Variants in UTRN observed in about 807,000 individuals in gnomAD.
UTRN encodes utrophin.
Under a neutral mutation model 463.9 loss-of-function variants are expected in UTRN, and 283 were observed. The observed-to-expected ratio is 0.61, with a 90% CI of 0.55 to 0.67. UTRN has a LOEUF of 0.67. Ranked by LOEUF, UTRN falls within the 30% of genes least tolerant of loss-of-function variation. The pLI, the probability that UTRN is intolerant of heterozygous loss-of-function variation, is 0.00. For synonymous variants in UTRN, 1,442 were observed against 1,431.5 expected (o/e 1.01, Z -0.17); for missense variants, 3,922 against 4,084.3 (o/e 0.96, Z 1.08).
At chr6:144,512,032 A>G (rs776070032) in intron 35 of UTRN, among the ~76,000 whole-genome samples, 10 of 152,120 alleles carry the variant, frequency 6.6e-5, no homozygotes, top group African/African-American at 2.4e-4. Context: ...AGTGAAGAGC[A>G]TGGGCTTTGC....
intron 9 of UTRN, among the ~76,000 whole-genome samples, chr6:144,433,507 G>GAT (rs1786150141): frequency 6.6e-6 from 1 of 151,898 alleles, no homozygotes; most frequent in African/African-American, 2.4e-5. Context: ...CTTCCCAGAC[G>GAT]GGGTGGCTGC....
chr6:144,620,696 C>G (rs1431121063), intron 51 of UTRN, among the ~76,000 whole-genome samples: 2 of 151,998 alleles, frequency 1.3e-5, no homozygotes, highest in African/African-American at 4.8e-5. Context: ...GGGGATTTAC[C>G]TGTTATAGAC....
chr6:144,828,678 C>A, intron 68 of UTRN, 112 bp from the exon 69 acceptor site: 1 of 1,058,688 alleles, frequency 9.4e-7, no homozygotes. Flanking sequence ...AGATTTGGAT[C>A]TTTCTATGTT....
In UTRN at chr6:144,577,088, G is replaced by T; in HGVS notation, c.7290-11G>T. The T allele has an allele frequency of 6.2e-7, 1 of 1,611,758 alleles. No homozygotes were observed. The highest frequency in any genetic ancestry group is 8.5e-7 in the Non-Finnish European group (1 of 1,178,372). On this transcript the variant is annotated splice_polypyrimidine_tract_variant and intron_variant, in intron 50 of 74. Coordinates refer to ENST00000367545, the MANE Select transcript of UTRN (RefSeq NM_007124.3). The stretch of plus-strand genomic sequence containing the variant: ...AGTAATGGAGCCGTGCTGTCATATT[G>T]TTACTTTCAGTATTGCTGACAGACA...
At chr6:144,382,929 T>C (rs1781061267) in intron 2 of UTRN, among the ~76,000 whole-genome samples, 1 of 152,126 alleles carries the variant, frequency 6.6e-6, no homozygotes, top group African/African-American at 2.4e-5. Context: ...GTCAGGCTTA[T>C]TTTATCTTAT....
intron 51 of UTRN, among the ~76,000 whole-genome samples, chr6:144,646,149 A>G (rs955840338): frequency 3.3e-5 from 5 of 152,186 alleles, no homozygotes; most frequent in Non-Finnish European, 5.9e-5. Context: ...CCTCTACAAG[A>G]TTAAGAAAAT....
At chr6:144,704,954 C>T (rs1784944440) in intron 53 of UTRN, among the ~76,000 whole-genome samples, 1 of 152,100 alleles carries the variant, frequency 6.6e-6, no homozygotes, top group African/African-American at 2.4e-5. Flanking sequence ...CAGTGAGACT[C>T]CATCTCAAAA....
At chr6:144,826,933 C>G (rs1314852963) in intron 66 of UTRN, among the ~76,000 whole-genome samples, 2 of 152,076 alleles carry the variant, frequency 1.3e-5, no homozygotes, top group African/African-American at 4.8e-5. Context: ...TGTAGTGTTT[C>G]ATTTTTAACT....
intron 23 of UTRN, among the ~76,000 whole-genome samples, chr6:144,468,029 T>A (rs929193028): frequency 1.3e-5 from 2 of 152,110 alleles, no homozygotes; most frequent in African/African-American, 4.8e-5. Flanking sequence ...CACACTATTT[T>A]TTTTTTTTTC....
chr6:144,836,564 T>A lies in UTRN; in HGVS notation c.10065+23T>A, dbSNP rs372108439. On this transcript the variant is annotated intron_variant, in intron 71 of 74. Transcript: ENST00000367545. ...CAGGTAGGGTGTGTAGAATTCAGCGTCACACCTCCCCAGGCCATCTGTCCA... is the reference window on the plus strand; with the variant it reads ...CAGGTAGGGTGTGTAGAATTCAGCGACACACCTCCCCAGGCCATCTGTCCA... The A allele has an allele frequency of 2.7e-5, 44 of 1,611,054 alleles. No homozygotes were observed. In the African/African-American group the frequency reaches 5.5e-4, roughly 20 times the overall value.
intron 23 of UTRN, among the ~76,000 whole-genome samples, chr6:144,471,094 GA>G (rs1335081833): frequency 1.9e-4 from 24 of 124,310 alleles, no homozygotes; most frequent in Non-Finnish European, 3.2e-4. Context: ...GGGAGGGGGA[GA>G]GGGAGAGGGA....
rs763898630 is a variant in UTRN at position 144,774,278 on chromosome 6, T to A, written c.8558-12T>A. On this transcript the variant is annotated splice_polypyrimidine_tract_variant and intron_variant, in intron 59 of 74. Coordinates refer to ENST00000367545, the MANE Select transcript of UTRN (RefSeq NM_007124.3). ...TAAGCCTATCTTCAAATTGTTTCTT[T>A]TTCTATTTCAGCTGACCTGAATAAT... 6.3e-6 allele frequency: 10 copies of A among 1,593,864 alleles called. No individual in the cohort carries two copies. The South Asian group carries it at 8.2e-5, about 13-fold the overall frequency.
At chr6:144,375,517 C>T (rs1780373163) in intron 2 of UTRN, among the ~76,000 whole-genome samples, 1 of 152,140 alleles carries the variant, frequency 6.6e-6, no homozygotes, top group Non-Finnish European at 1.5e-5. Context: ...AAGATCATTT[C>T]ACAGTTTCCT....
At chr6:144,516,413 ATGG>A (rs1445582449) in intron 38 of UTRN, 26 bp downstream of exon 38, 1 of 1,591,404 alleles carries the variant, frequency 6.3e-7, no homozygotes, top group African/African-American at 1.4e-5. Flanking sequence ...TTTCAAAACC[ATGG>A]TGGTCTCATT....
At chr6:144,509,334 G>GT (rs914002489) in intron 34 of UTRN, among the ~76,000 whole-genome samples, 1 of 151,626 alleles carries the variant, frequency 6.6e-6, no homozygotes, top group Admixed American at 6.6e-5. Flanking sequence ...CTTATTGTTG[G>GT]TACATAGGTG....
rs757221409 is a variant in UTRN, at chr6:144,548,703, A to G, written c.6659A>G (p.His2220Arg). The G allele has an allele frequency of 8.1e-6, 13 of 1,613,932 alleles. No homozygotes were observed. In the East Asian group the frequency reaches 1.6e-4, roughly 19 times the overall value. ...GCGTCAGATATTCCTGTTCAGTCTCATCGTACTTCGGAAATTTCAATTCCT... is the reference window on the plus strand; with the variant it reads ...GCGTCAGATATTCCTGTTCAGTCTCGTCGTACTTCGGAAATTTCAATTCCT... ...SSASDIPVQSHRTSEISIPAD... is the reference protein window; with the variant it reads ...SSASDIPVQSRRTSEISIPAD... The change falls in exon 47 of 75, where the codon CAT (histidine) becomes CGT (arginine). Residue 2220 changes from histidine to arginine, a missense_variant. Physicochemically the swap from His to Arg is conservative, Grantham distance 29. Coordinates refer to ENST00000367545, the MANE Select transcript of UTRN (RefSeq NM_007124.3).
intron 56 of UTRN, among the ~76,000 whole-genome samples, chr6:144,754,345 G>A (rs548202081): frequency 6.6e-6 from 1 of 152,236 alleles, no homozygotes; most frequent in South Asian, 2.1e-4. Context: ...ACCAGAATAC[G>A]AACAGGAGTG....
chr6:144,686,209 T>G (rs924738741), intron 52 of UTRN, among the ~76,000 whole-genome samples: 5 of 152,162 alleles, frequency 3.3e-5, no homozygotes, highest in Non-Finnish European at 7.4e-5. Flanking sequence ...TGGTTGTAAG[T>G]ATTTGGCTGT....
intron 34 of UTRN, among the ~76,000 whole-genome samples, chr6:144,508,239 G>A (rs1463495861): frequency 6.6e-5 from 10 of 151,412 alleles, no homozygotes. Flanking sequence ...CTTTCCAGGG[G>A]AGTGAATGGT....
Sources: allele counts gnomAD v4.1 joint callset (sites outside exome capture counted in the v4.1 genomes callset), GRCh38; gene constraint gnomAD v4.1.1; transcripts MANE v1.5; gene names NCBI Gene and HGNC (gene_info 2026-07-23, HGNC 2026-07-21).